Variants in ACAP2 observed in about 807,000 individuals in gnomAD.
ACAP2 encodes ArfGAP with coiled-coil, ankyrin repeat and PH domains 2, also known as arf-GAP with coiled-coil, ANK repeat and PH domain-containing protein 2.
A neutral mutation model predicts 115.8 loss-of-function variants in ACAP2; 39 were observed. The ratio of observed to expected loss-of-function variants is 0.34; its 90% CI spans 0.26 to 0.44. The LOEUF is 0.44. ACAP2 is among the 20% of genes least tolerant of loss of function. The pLI, the probability that ACAP2 is intolerant of heterozygous loss-of-function variation, is 1.00. For synonymous variants in ACAP2, 289 were observed against 315.8 expected (o/e 0.92, Z 0.90); for missense variants, 662 against 927.6 (o/e 0.71, Z 3.72).
chr3:195,379,965 AT>A (rs1000877267), intron 4 of ACAP2, among the ~76,000 whole-genome samples: 3 of 152,130 alleles, frequency 2.0e-5, no homozygotes, highest in African/African-American at 7.2e-5. Context: ...GATGGTTATA[AT>A]TTTTTTTAAA....
intron 4 of ACAP2, among the ~76,000 whole-genome samples, chr3:195,378,124 AAAGT>A (rs940106822): frequency 2.9e-5 from 4 of 138,306 alleles, no homozygotes; most frequent in Admixed American, 7.1e-5. Flanking sequence ...AGAGAGAAAG[AAAGT>A]GAGAAAAGTG....
chr3:195,341,164 G>T (rs114377983), intron 6 of ACAP2, among the ~76,000 whole-genome samples: 1 of 151,938 alleles, frequency 6.6e-6, no homozygotes, highest in African/African-American at 2.4e-5. Context: ...ATAGAAACAC[G>T]CAATATAATA....
At chr3:195,303,945 A>C (rs901522394) in intron 13 of ACAP2, among the ~76,000 whole-genome samples, 2 of 152,110 alleles carry the variant, frequency 1.3e-5, no homozygotes, top group African/African-American at 4.8e-5. Context: ...GTGGATCACA[A>C]GGTCAGGAGT....
At chr3:195,286,636 C>A (rs1426237051) in intron 21 of ACAP2, among the ~76,000 whole-genome samples, 4 of 152,204 alleles carry the variant, frequency 2.6e-5, no homozygotes, top group Admixed American at 6.5e-5. Context: ...CTTTTCCTAT[C>A]TTCAAAGTTC....
At chr3:195,441,903 C>T (rs531609381) in intron 1 of ACAP2, 2 of 152,258 alleles carry the variant, frequency 1.3e-5, no homozygotes, top group African/African-American at 4.8e-5. Context: ...GAAGGGCAAC[C>T]CATGTGAATC....
chr3:195,370,897 A>G (rs1733086031), intron 4 of ACAP2, among the ~76,000 whole-genome samples: 1 of 150,148 alleles, frequency 6.7e-6, no homozygotes, highest in Non-Finnish European at 1.5e-5. Context: ...GGTTGCAGTG[A>G]GCCAAGATTG....
intron 22 of ACAP2, among the ~76,000 whole-genome samples, chr3:195,281,171 C>T (rs931104670): frequency 1.3e-5 from 2 of 152,062 alleles, no homozygotes; most frequent in African/African-American, 2.4e-5. Flanking sequence ...TTTGAGAGGC[C>T]GAGACGGGCG....
chr3:195,440,541 T>G (rs997725559), intron 1 of ACAP2, among the ~76,000 whole-genome samples: 1 of 152,174 alleles, frequency 6.6e-6, no homozygotes, highest in Non-Finnish European at 1.5e-5. Context: ...GACAGCCCAA[T>G]AGATCAGGAC....
At chr3:195,392,212 GTAACTC>G in intron 1 of ACAP2, 65 bp from the exon 2 acceptor site, 1 of 1,292,042 alleles carries the variant, frequency 7.7e-7, no homozygotes, top group Non-Finnish European at 1.1e-6. Context: ...CTCTTGAAAA[GTAACTC>G]TAAATGAAAA....
chr3:195,338,004 T>G (rs1730626735), intron 6 of ACAP2, among the ~76,000 whole-genome samples: 1 of 146,106 alleles, frequency 6.8e-6, no homozygotes, highest in Non-Finnish European at 1.5e-5. Context: ...CTGGCTGTTC[T>G]GTGCACACGC....
intron 18 of ACAP2, among the ~76,000 whole-genome samples, chr3:195,293,984 A>C (rs1481167026): frequency 6.6e-6 from 1 of 151,272 alleles, no homozygotes; most frequent in Non-Finnish European, 1.5e-5. Flanking sequence ...ATACAAAAAA[A>C]AAAAATTAGC....
chr3:195,388,006 G>C (rs1046123591), intron 2 of ACAP2, among the ~76,000 whole-genome samples: 1 of 152,182 alleles, frequency 6.6e-6, no homozygotes, highest in African/African-American at 2.4e-5. Flanking sequence ...GTAAATGATA[G>C]AGCCAGACTC....
chr3:195,293,135 G>C (rs1021150728), intron 18 of ACAP2, among the ~76,000 whole-genome samples: 57 of 152,036 alleles, frequency 3.7e-4, no homozygotes, highest in Admixed American at 2.0e-4. Context: ...AGTATCCAAG[G>C]GATAGGTTAA....
At chr3:195,400,100 C>A (rs527564355) in intron 1 of ACAP2, among the ~76,000 whole-genome samples, 1 of 151,860 alleles carries the variant, frequency 6.6e-6, no homozygotes, top group Non-Finnish European at 1.5e-5. Flanking sequence ...ATCGCTTGAA[C>A]CTGGGAGCCA....
intron 13 of ACAP2, among the ~76,000 whole-genome samples, chr3:195,303,677 G>A (rs988910086): frequency 1.9e-4 from 29 of 152,200 alleles, no homozygotes; most frequent in African/African-American, 6.8e-4. Flanking sequence ...ACTGAGGTAG[G>A]AGGACTGCTT....
chr3:195,323,414 T>C (rs1208704608), intron 9 of ACAP2, among the ~76,000 whole-genome samples: 1 of 152,066 alleles, frequency 6.6e-6, no homozygotes, highest in African/African-American at 2.4e-5. Context: ...AGAACAGTGG[T>C]AAAATAAATA....
At chr3:195,285,705 A>C (rs1577232641) in intron 22 of ACAP2, 91 bp downstream of exon 22, 1 of 1,086,402 alleles carries the variant, frequency 9.2e-7, no homozygotes, top group African/African-American at 1.6e-5. Flanking sequence ...TAGTTTGCTA[A>C]AGAACTATGA....
chr3:195,440,104 T>TTA (rs1715886215), intron 1 of ACAP2, among the ~76,000 whole-genome samples: 1 of 152,160 alleles, frequency 6.6e-6, no homozygotes, highest in African/African-American at 2.4e-5. Flanking sequence ...CACTTTACAT[T>TTA]CCTGTAGATT....
intron 1 of ACAP2, among the ~76,000 whole-genome samples, chr3:195,424,897 T>C (rs190715256): frequency 8.6e-5 from 10 of 116,014 alleles, no homozygotes; most frequent in African/African-American, 2.4e-4. Flanking sequence ...GCCTGAGTGA[T>C]AGAGTGAGAC....
Sources: gnomAD v4.1 joint callset for allele counts (sites outside exome capture counted in the v4.1 genomes callset) on GRCh38, gnomAD v4.1.1 for gene constraint, MANE v1.5 for transcripts, NCBI Gene and HGNC (gene_info 2026-07-23, HGNC 2026-07-21) for gene names.